OTOA: variants seen among roughly 807,000 people sequenced by gnomAD.
The protein encoded by OTOA is otoancorin.
Under a neutral mutation model 110.8 loss-of-function variants are expected in OTOA, and 70 were observed. That is an observed-to-expected ratio of 0.63 (90% CI 0.52 to 0.77). The LOEUF is 0.77. Ranked by LOEUF, OTOA falls within the 30% of genes least tolerant of loss-of-function variation. OTOA has a pLI of 0.00. For missense variants in OTOA, 917 were observed against 1,075.8 expected, an observed-to-expected ratio of 0.85 and a Z score of 2.06; for synonymous variants, 373 against 431.5, an observed-to-expected ratio of 0.86 and a Z score of 1.68.
intron 1 of OTOA, among the ~76,000 whole-genome samples, chr16:21,668,660 C>T (rs1285574075): frequency 6.6e-6 from 1 of 151,388 alleles, no homozygotes. Context: ...TGGGTTTTCA[C>T]CATGTTGGTC....
Position 21,728,280 on chromosome 16 carries a change from G to C in OTOA, c.2056G>C (p.Gly686Arg). ...TGATGAGTACACTGTGGACATCATG[G>C]GGAACCTGCTGTGTCACTTGCCGGC... ...IADEYTVDIMGNLLCHLPAAI... is the reference protein window; with the variant it reads ...IADEYTVDIMRNLLCHLPAAI... Residue 686 changes from glycine to arginine, a missense_variant, in exon 20 of 29, where the codon GGG becomes CGG. This residue lies in a region of OTOA where 840 missense variants were observed against 910.2 expected (regional missense o/e 0.92). Coordinates refer to ENST00000646100, the MANE Select transcript of OTOA (RefSeq NM_144672.4). The C allele has an allele frequency of 1.2e-6, 2 of 1,614,134 alleles. No individual in the cohort carries two copies. The highest frequency in any genetic ancestry group is 1.7e-6 in the Non-Finnish European group (2 of 1,180,020).
rs1034160590 is a variant in OTOA, at chr16:21,706,239, C to T, written c.1104+947C>T. Among the ~76,000 whole-genome samples the T allele has an allele frequency of 1.1e-4, 17 of 152,336 alleles. No homozygotes were observed. The East Asian group carries it at 2.1e-3, about 19-fold the overall frequency. On this transcript the variant is annotated intron_variant, in intron 12 of 28. Transcript: ENST00000646100. ...TCTTCCTCTTCTTCCTCCTTCTTCC[C>T]TTGGCCTCCCAAAGTGTTTGGATTA...
At chr16:21,676,983 G>A (rs1966859265) in intron 1 of OTOA, among the ~76,000 whole-genome samples, 1 of 152,194 alleles carries the variant, frequency 6.6e-6, no homozygotes, top group Admixed American at 6.5e-5. Flanking sequence ...AATTGTTTAA[G>A]GCAGGACGGT....
At chr16:21,699,821 A>G (rs112400569) in intron 10 of OTOA, among the ~76,000 whole-genome samples, 75 of 152,300 alleles carry the variant, frequency 4.9e-4, no homozygotes, top group African/African-American at 1.7e-3. Flanking sequence ...CAGGAGGCTG[A>G]GGCAGGAGTA....
chr16:21,729,366 G>A (rs1899034886), intron 20 of OTOA, among the ~76,000 whole-genome samples: 1 of 152,070 alleles, frequency 6.6e-6, no homozygotes, highest in Admixed American at 6.6e-5. Flanking sequence ...CTAGTTTTAG[G>A]TTCTCAGAAA....
At chr16:21,711,062 G>A (rs1293339057) in intron 13 of OTOA, among the ~76,000 whole-genome samples, 3 of 152,088 alleles carry the variant, frequency 2.0e-5, no homozygotes, top group East Asian at 1.9e-4. Flanking sequence ...GCATTGCTGC[G>A]AATATTATGT....
At chr16:21,727,012 G>GTTTT (rs543449382) in intron 19 of OTOA, 67 of 144,094 alleles carry the variant, frequency 4.6e-4, no homozygotes, top group East Asian at 1.9e-3. Flanking sequence ...CCCCCTTAGA[G>GTTTT]TTTTTTTTTT....
At chr16:21,691,150 C>CT (rs1363896893) in intron 8 of OTOA, among the ~76,000 whole-genome samples, 2 of 152,044 alleles carry the variant, frequency 1.3e-5, no homozygotes, top group African/African-American at 4.8e-5. Context: ...CGAACTCATC[C>CT]TTTTTTAGGG....
At chr16:21,665,706 C>T (rs975954236) in intron 1 of OTOA, among the ~76,000 whole-genome samples, 9 of 152,060 alleles carry the variant, frequency 5.9e-5, no homozygotes, top group African/African-American at 2.2e-4. Flanking sequence ...ATTTGTTCTC[C>T]GGAGACTTAG....
intron 1 of OTOA, among the ~76,000 whole-genome samples, chr16:21,667,072 C>T (rs1966841524): frequency 6.6e-6 from 1 of 152,086 alleles, no homozygotes; most frequent in Admixed American, 6.5e-5. Context: ...CCCCAAAGCC[C>T]CAAATGACCC....
chr16:21,712,152 C>T (rs552711125), intron 13 of OTOA, among the ~76,000 whole-genome samples: 2 of 151,940 alleles, frequency 1.3e-5, no homozygotes, highest in African/African-American at 2.4e-5. Context: ...CATGGTGAAA[C>T]CCTGTCTCTA....
intron 22 of OTOA, among the ~76,000 whole-genome samples, 168 bp downstream of exon 22, chr16:21,736,558 C>T (rs1351886489): frequency 8.5e-5 from 13 of 152,208 alleles, no homozygotes; most frequent in Non-Finnish European, 1.6e-4. Context: ...GGTTCAGGTG[C>T]GGTTGCTCAA....
At chr16:21,724,103 A>G (rs1191260761) in intron 18 of OTOA, among the ~76,000 whole-genome samples, 2 of 152,198 alleles carry the variant, frequency 1.3e-5, no homozygotes, top group Non-Finnish European at 2.9e-5. Context: ...CACCTCTGTT[A>G]GGACAGAGGT....
chr16:21,671,586 CAA>C (rs369010025), intron 1 of OTOA, among the ~76,000 whole-genome samples: 1 of 78,490 alleles, frequency 1.3e-5, no homozygotes. Context: ...GACTCCATAT[CAA>C]AAAAAAAAAA....
intron 1 of OTOA, among the ~76,000 whole-genome samples, chr16:21,665,013 TAAAC>T (rs1555495196): frequency 3.3e-5 from 5 of 151,574 alleles, no homozygotes; most frequent in Admixed American, 1.3e-4. Context: ...AATAAATAAA[TAAAC>T]AAATAAAGTT....
chr16:21,724,884 C>T (rs1898866498), intron 18 of OTOA, among the ~76,000 whole-genome samples: 1 of 152,018 alleles, frequency 6.6e-6, no homozygotes, highest in African/African-American at 2.4e-5. Context: ...TCAAGAGATT[C>T]TCCTACCTCA....
At position 21,752,237 on chromosome 16, in the gene OTOA, G is replaced by A; in HGVS notation, c.2919-132G>A. 4.2e-6 allele frequency: 2 copies of A among 476,964 alleles called. 1 individual carries two copies. Among genetic ancestry groups the A allele is most frequent in the Non-Finnish European group, 7.8e-6 (2 of 256,250 alleles). The allele number at this position is 476,964 out of a possible 1,614,324, so 29.5% of individuals were successfully genotyped here. A position where few individuals can be genotyped will look rare whatever the true frequency, so the allele number is the denominator to read the frequency against. On this transcript the variant is annotated intron_variant, in intron 25 of 28. Transcript: ENST00000646100. ...TCCCACTGGGCTAATGGGATAAGCT[G>A]GATCTGCTGTCCCTGCTGAGCCTAC...
chr16:21,700,896 G>A lies in OTOA; in HGVS notation c.849G>A (p.Leu283=). The A allele has an allele frequency of 6.2e-7, 1 of 1,614,048 alleles. No individual in the cohort carries two copies. Among genetic ancestry groups the A allele is most frequent in the Non-Finnish European group, 8.5e-7 (1 of 1,180,018 alleles). ...ITKISPIEIG[L]FISYDNATKQ... ...CCTTGTCCACCAACTAGATTGGGCTGTTTATCAGCTATGACAACGCCACCA... is the reference window on the plus strand; with the variant it reads ...CCTTGTCCACCAACTAGATTGGGCTATTTATCAGCTATGACAACGCCACCA... Residue 283 remains leucine, a synonymous_variant, in exon 11 of 29, where the codon CTG becomes CTA. Coordinates refer to ENST00000646100, the MANE Select transcript of OTOA (RefSeq NM_144672.4).
chr16:21,720,978 T>C (rs1173790378), intron 17 of OTOA, among the ~76,000 whole-genome samples: 2 of 151,098 alleles, frequency 1.3e-5, no homozygotes, highest in African/African-American at 2.4e-5. Context: ...TGGAATGCAG[T>C]GGTTCAATCT....
Sources: gnomAD v4.1 joint callset for allele counts (sites outside exome capture counted in the v4.1 genomes callset) on GRCh38, gnomAD v4.1.1 for gene constraint, gnomAD v4.1.1 regional missense constraint, MANE v1.5 for transcripts, NCBI Gene and HGNC (gene_info 2026-07-23, HGNC 2026-07-21) for gene names.